The following PUDP variants were observed in gnomAD, a reference collection of about 807,000 sequenced individuals.
PUDP encodes pseudouridine-5'-phosphatase.
A neutral mutation model predicts 9.4 loss-of-function variants in PUDP; 8 were observed. The observed-to-expected ratio is 0.85, with a 90% CI of 0.50 to 1.53. The LOEUF (loss-of-function observed/expected upper bound fraction) is 1.53, where lower values mean the gene tolerates loss of function less well. Among genes scored for constraint, PUDP ranks in the 40% most tolerant of loss-of-function variants. PUDP has a pLI of 0.00. For missense variants in PUDP, 188 were observed against 189.7 expected (o/e 0.99, Z 0.05); for synonymous variants, 99 against 80.7 (o/e 1.23, Z -1.22).
chrX:7,031,437 AT>A (rs1929790993), intron 1 of PUDP, among the ~76,000 whole-genome samples: 1 of 111,712 alleles, frequency 9.0e-6, no homozygotes, highest in East Asian at 2.8e-4. Context: ...CTGAGACGTA[AT>A]GATGATTGTC....
At chrX:6,792,662 T>C (rs1925768463) in intron 3 of PUDP, among the ~76,000 whole-genome samples, 1 of 112,151 alleles carries the variant, frequency 8.9e-6, no homozygotes, top group African/African-American at 3.2e-5. Context: ...CCAATTATAC[T>C]TCTATACAAC....
At chrX:6,730,351 C>T (rs773891534) in intron 3 of PUDP, among the ~76,000 whole-genome samples, 3 of 112,296 alleles carry the variant, frequency 2.7e-5, no homozygotes, top group East Asian at 2.8e-4. Flanking sequence ...AAATAAGTCT[C>T]GAAGCACAGC....
chrX:6,868,290 A>G (rs773669981), intron 3 of PUDP, among the ~76,000 whole-genome samples: 1 of 112,331 alleles, frequency 8.9e-6, no homozygotes, highest in African/African-American at 3.2e-5. Flanking sequence ...AATGGCCAAG[A>G]AAGACCTCTC....
In PUDP at chrX:7,005,007, T is replaced by A. The variant is rs1929381278; in HGVS notation, c.205-26664A>T. On this transcript the variant is annotated intron_variant and NMD_transcript_variant, in intron 1 of 3. Transcript: ENST00000655425. ...TATCAAATTATTCGACTCGAATGCT[T>A]ATTATGTACGTATAAGTCAGTCGGC... Among the ~76,000 whole-genome samples the A allele has an allele frequency of 2.7e-5, 3 of 112,097 alleles. No homozygotes were observed. In the Admixed American group the frequency reaches 2.8e-4, roughly 11 times the overall value.
At chrX:7,081,143 A>AACTTAAT (rs1931073299) in intron 2 of PUDP, among the ~76,000 whole-genome samples, 1 of 111,844 alleles carries the variant, frequency 8.9e-6, no homozygotes, top group African/African-American at 3.2e-5. Context: ...ATTAATTTTA[A>AACTTAAT]AAACTTAAAC....
intron 3 of PUDP, among the ~76,000 whole-genome samples, chrX:6,844,763 C>T (rs1012869837): frequency 8.9e-6 from 1 of 112,089 alleles, no homozygotes; most frequent in South Asian, 3.7e-4. Flanking sequence ...AGCTGGAGAA[C>T]CAGGAAAGCC....
At chrX:6,711,252 T>A (rs1205750739) in intron 1 of PUDP, among the ~76,000 whole-genome samples, 1 of 111,169 alleles carries the variant, frequency 9.0e-6, no homozygotes, top group East Asian at 2.8e-4. Context: ...ATGAACAAAA[T>A]CCATGTAGAA....
intron 3 of PUDP, among the ~76,000 whole-genome samples, chrX:6,754,553 A>G (rs1157401176): frequency 1.8e-5 from 2 of 109,734 alleles, no homozygotes; most frequent in East Asian, 2.8e-4. Flanking sequence ...ATCATTATAT[A>G]TACCACATAT....
intron 1 of PUDP, among the ~76,000 whole-genome samples, chrX:7,006,449 A>T (rs991217824): frequency 5.4e-5 from 6 of 111,815 alleles, no homozygotes; most frequent in African/African-American, 2.0e-4. Flanking sequence ...AGTGATATTG[A>T]TCAATATTTT....
downstream of PUDP, among the ~76,000 whole-genome samples, chrX:7,046,520 CTT>C (rs200561180): frequency 0.04 from 4,496 of 112,463 alleles, 215 homozygotes; most frequent in African/African-American, 0.14. Flanking sequence ...TCATTTCTGA[CTT>C]TTAAATGGAA....
intron 1 of PUDP, among the ~76,000 whole-genome samples, chrX:7,146,243 C>T (rs929459805): frequency 2.7e-5 from 3 of 111,533 alleles, no homozygotes; most frequent in African/African-American, 6.5e-5. Flanking sequence ...CTTGTAATGC[C>T]ATTTAAGTCA....
Position 7,050,477 on chromosome X carries a change from A to G in PUDP, c.511-5T>C, listed in dbSNP as rs779633399. Reference sequence around the variant, plus strand: ...AGCATCTTCAAAGACAAGGCACTGTAGGAAGAAAAAGAAAGTCGAGATGGC... The same window carrying G: ...AGCATCTTCAAAGACAAGGCACTGTGGGAAGAAAAAGAAAGTCGAGATGGC... On this transcript the variant is annotated splice_polypyrimidine_tract_variant and splice_region_variant and intron_variant, in intron 3 of 3. Transcript: ENST00000381077. 131 of 1,204,462 alleles carry G rather than the reference A, an allele frequency of 1.1e-4. No homozygotes were observed. The highest frequency in any genetic ancestry group is 1.3e-4 in the Non-Finnish European group (113 of 891,341).
In PUDP at chrX:7,050,104, G is replaced by T; in HGVS notation, c.*192C>A. ...CGTTTCTGTCTCTACTGTATTTTTT[G>T]TCTCAACCGTCAAGTCACATTTTAT... On this transcript the variant is annotated 3_prime_UTR_variant, in exon 4 of 4. Coordinates refer to ENST00000381077, the MANE Select transcript of PUDP (RefSeq NM_012080.5). 3 of 405,957 alleles carry T rather than the reference G, an allele frequency of 7.4e-6. No homozygotes were observed. The highest frequency in any genetic ancestry group is 5.9e-5 in the South Asian group (1 of 16,902). The allele number at this position is 405,957 out of a possible 1,213,427, so 33.5% of individuals were successfully genotyped here.
intron 2 of PUDP, among the ~76,000 whole-genome samples, chrX:7,084,051 C>T (rs1931192268): frequency 8.9e-6 from 1 of 112,098 alleles, no homozygotes; most frequent in Non-Finnish European, 1.9e-5. Context: ...CAGAGAAACC[C>T]TGTCACCCTC....
intron 3 of PUDP, among the ~76,000 whole-genome samples, chrX:6,923,460 C>T (rs1361760021): frequency 4.5e-5 from 5 of 112,046 alleles, no homozygotes; most frequent in African/African-American, 1.6e-4. Context: ...CCCAAACCAG[C>T]AACTCCTGCA....
intron 3 of PUDP, among the ~76,000 whole-genome samples, chrX:6,804,082 G>A (rs912314318): frequency 1.8e-5 from 2 of 111,155 alleles, no homozygotes; most frequent in Non-Finnish European, 3.8e-5. Context: ...GAGATGATGA[G>A]ATCTCAAAGG....
At chrX:6,911,157 T>A (rs1038763863) in intron 3 of PUDP, among the ~76,000 whole-genome samples, 75 of 111,391 alleles carry the variant, frequency 6.7e-4, no homozygotes, top group Middle Eastern at 4.6e-3. Flanking sequence ...TTCATTTTTT[T>A]AATATATATT....
chrX:6,971,421 CTT>C (rs762990448), intron 3 of PUDP, among the ~76,000 whole-genome samples: 3 of 99,388 alleles, frequency 3.0e-5, no homozygotes, highest in Non-Finnish European at 2.1e-5. Context: ...TTTTTCTTTT[CTT>C]TTTTTTTTTT....
intron 1 of PUDP, among the ~76,000 whole-genome samples, chrX:7,146,835 G>GTTTT (rs72051800): frequency 1.2e-5 from 1 of 83,019 alleles, no homozygotes. Context: ...GAGCTGCAGG[G>GTTTT]TTTTTTTTTT....
Sources: allele counts gnomAD v4.1 joint callset (sites outside exome capture counted in the v4.1 genomes callset), GRCh38; gene constraint gnomAD v4.1.1; transcripts MANE v1.5; gene names NCBI Gene and HGNC (gene_info 2026-07-23, HGNC 2026-07-21).